The following SSTR2 variants were observed in gnomAD, a reference collection of about 807,000 sequenced individuals.
SSTR2 encodes the protein somatostatin receptor type 2.
SSTR2 carries 10 observed loss-of-function variants against 21.4 expected under a neutral mutation model. The observed-to-expected ratio is 0.47, with a 90% CI of 0.29 to 0.79. The LOEUF (loss-of-function observed/expected upper bound fraction) is 0.79. Among genes scored for constraint, SSTR2 ranks in the 30% least tolerant of loss-of-function variants. The pLI, the probability that SSTR2 is intolerant of heterozygous loss-of-function variation, is 0.10. For missense variants in SSTR2, 364 were observed against 468.8 expected (o/e 0.78, Z 2.06); for synonymous variants, 177 against 181.3 (o/e 0.98, Z 0.19).
Position 73,169,939 on chromosome 17 carries a change from G to T in SSTR2, c.620G>T (p.Gly207Val), listed in dbSNP as rs746753832. The stretch of plus-strand genomic sequence containing the variant: ...GGTGAATCTGGGGCTTGGTACACAG[G>T]GTTCATCATCTACACTTTCATTCTG... ...WPGESGAWYT[G>V]FIIYTFILGF... Residue 207 changes from glycine to valine, a missense_variant, in exon 2 of 2, where the codon GGG becomes GTG. Physicochemically the swap from Gly to Val is moderately radical, Grantham distance 109 (BLOSUM62 -3). Around this residue, in one of 4 missense-constraint regions of SSTR2, gnomAD observed 193 missense variants for 273.1 expected, o/e 0.71. Coordinates refer to ENST00000357585, the MANE Select transcript of SSTR2 (RefSeq NM_001050.3). This position sits in a 1 kb window ranked among gnomAD's most constrained non-coding sequence, Gnocchi z 5.2. 1 of 1,607,436 alleles carries T rather than the reference G, an allele frequency of 6.2e-7. No individual in the cohort carries two copies. Among genetic ancestry groups the T allele is most frequent in the Admixed American group, 1.7e-5 (1 of 59,752 alleles).
In SSTR2 at chr17:73,176,535, A is replaced by G. The variant is rs1190514129; in HGVS notation, c.*6106A>G. 1 of 152,146 alleles carries G rather than the reference A, an allele frequency of 6.6e-6. No individual in the cohort carries two copies. Among genetic ancestry groups the G allele is most frequent in the Non-Finnish European group, 1.5e-5 (1 of 68,044 alleles). The allele number at this position is 152,146 out of a possible 1,614,324, so 9.4% of individuals were successfully genotyped here. ...TCTCCTTGCTGCCATGCGAAGAAGGATGTGTTTGCTTCCCCTTCTGCCATG... is the reference window on the plus strand; with the variant it reads ...TCTCCTTGCTGCCATGCGAAGAAGGGTGTGTTTGCTTCCCCTTCTGCCATG... On this transcript the variant is annotated 3_prime_UTR_variant, in exon 2 of 2. Transcript: ENST00000357585.
Position 73,170,347 on chromosome 17 carries a change from G to C in SSTR2, c.1028G>C (p.Ser343Thr). 6.2e-7 allele frequency: 1 copy of C among 1,614,050 alleles called. No individual in the cohort carries two copies. Among genetic ancestry groups the C allele is most frequent in the South Asian group, 1.1e-5 (1 of 91,080 alleles). Residue 343 changes from serine to threonine, a missense_variant, in exon 2 of 2, where the codon AGT (serine) becomes ACT (threonine). Around this residue, in one of 4 missense-constraint regions of SSTR2, gnomAD observed 71 missense variants for 53.8 expected, o/e 1.32. Transcript: ENST00000357585. ...SGTDDGERSDSKQDKSRLNET... is the reference protein window; with the variant it reads ...SGTDDGERSDTKQDKSRLNET... ...ACAGATGATGGGGAGCGGAGTGACA[G>C]TAAGCAGGACAAATCCCGGCTGAAT...
intron 1 of SSTR2, chr17:73,168,170 A>G (rs1051208538): frequency 1.3e-5 from 2 of 152,230 alleles, no homozygotes; most frequent in Non-Finnish European, 2.9e-5. Context: ...CTCAGTTTCC[A>G]CATCTCTAAA....
In SSTR2 at chr17:73,173,564, C is replaced by G. The variant is rs1205352819; in HGVS notation, c.*3135C>G. Reference sequence around the variant, plus strand: ...ATCATTTTAATTCAAAAATTTTAGTCTCCATTCCATATTTAATGATGAAGA... The same window carrying G: ...ATCATTTTAATTCAAAAATTTTAGTGTCCATTCCATATTTAATGATGAAGA... On this transcript the variant is annotated 3_prime_UTR_variant, in exon 2 of 2. Coordinates refer to ENST00000357585, the MANE Select transcript of SSTR2 (RefSeq NM_001050.3). The G allele has an allele frequency of 1.3e-5, 2 of 152,174 alleles. No individual in the cohort carries two copies. The highest frequency in any genetic ancestry group is 2.9e-5 in the Non-Finnish European group (2 of 68,032). 9.4% of individuals were successfully genotyped at this position (152,174 alleles called of 1,614,324 possible). A position where few individuals can be genotyped will look rare whatever the true frequency, so the allele number is the denominator to read the frequency against.
chr17:73,169,272 A>G lies in SSTR2; in HGVS notation c.-48A>G. ...GCCTCCAGGGTCCATTAAGGTGAGA[A>G]TAAGATCTCTGGGCTGGCTGGAACT... is the stretch of plus-strand genomic sequence containing the variant. On this transcript the variant is annotated 5_prime_UTR_variant, in exon 2 of 2. Coordinates refer to ENST00000357585, the MANE Select transcript of SSTR2 (RefSeq NM_001050.3). The surrounding 1 kb of genome is among the most constrained non-coding windows in gnomAD (Gnocchi z 5.2). The G allele has an allele frequency of 6.4e-7, 1 of 1,572,068 alleles. No homozygotes were observed.
Position 73,169,870 on chromosome 17 carries a change from G to T in SSTR2, c.551G>T (p.Arg184Leu). The T allele has an allele frequency of 1.2e-6, 2 of 1,612,758 alleles. No homozygotes were observed. The highest frequency in any genetic ancestry group is 1.7e-6 in the Non-Finnish European group (2 of 1,178,884). Residue 184 changes from arginine (R) to leucine (L), a missense_variant, in exon 2 of 2, where the codon CGG becomes CTG. Transcript: ENST00000357585. The surrounding 1 kb of genome is among the most constrained non-coding windows in gnomAD (Gnocchi z 5.2). ...ILPIMIYAGL[R>L]SNQWGRSSCT... ...CCCATCATGATATATGCTGGGCTCC[G>T]GAGCAACCAGTGGGGGAGAAGCAGC...
rs2061225856 is a variant in SSTR2, at chr17:73,169,282, T to C, written c.-38T>C. 6.3e-7 allele frequency: 1 copy of C among 1,587,082 alleles called. No individual in the cohort carries two copies. Among genetic ancestry groups the C allele is most frequent in the Non-Finnish European group, 8.6e-7 (1 of 1,166,256 alleles). On this transcript the variant is annotated 5_prime_UTR_variant, in exon 2 of 2. Coordinates refer to ENST00000357585, the MANE Select transcript of SSTR2 (RefSeq NM_001050.3). This position sits in a 1 kb window ranked among gnomAD's most constrained non-coding sequence, Gnocchi z 5.2. Reference sequence around the variant, plus strand: ...TCCATTAAGGTGAGAATAAGATCTCTGGGCTGGCTGGAACTAGCCTAAGAC... The same window carrying C: ...TCCATTAAGGTGAGAATAAGATCTCCGGGCTGGCTGGAACTAGCCTAAGAC...
chr17:73,170,268 GACA>G lies in SSTR2; in HGVS notation c.952_954del (p.Asn318del). 1 of 1,613,986 alleles carries G rather than the reference GACA, an allele frequency of 6.2e-7. No individual in the cohort carries two copies. The highest frequency in any genetic ancestry group is 8.5e-7 in the Non-Finnish European group (1 of 1,180,022). On this transcript the variant is annotated inframe_deletion, in exon 2 of 2. Transcript: ENST00000357585. ...CCCTATCCTATATGCCTTCTTGTCT[GACA>G]ACTTCAAGAAGAGCTTCCAGAATGT...
rs759485889 is a variant in SSTR2 at position 73,170,098 on chromosome 17, T to C, written c.779T>C (p.Ile260Thr). Reference sequence around the variant, plus strand: ...AAGAAGGTCACCCGAATGGTGTCCATCGTGGTGGCTGTCTTCATCTTCTGC... The same window carrying C: ...AAGAAGGTCACCCGAATGGTGTCCACCGTGGTGGCTGTCTTCATCTTCTGC... Reference protein sequence around the residue: ...SEKKVTRMVSIVVAVFIFCWL... With the variant: ...SEKKVTRMVSTVVAVFIFCWL... Residue 260 changes from isoleucine to threonine, a missense_variant, in exon 2 of 2, where the codon ATC (isoleucine) becomes ACC (threonine). By Grantham distance (89) the Ile-to-Thr change is moderately conservative. Around this residue, in one of 4 missense-constraint regions of SSTR2, gnomAD observed 193 missense variants for 273.1 expected, o/e 0.71. Transcript: ENST00000357585. The C allele has an allele frequency of 1.2e-6, 2 of 1,614,168 alleles. No homozygotes were observed. Among genetic ancestry groups the C allele is most frequent in the South Asian group, 2.2e-5 (2 of 91,074 alleles).
chr17:73,175,480 A>G lies in SSTR2; in HGVS notation c.*5051A>G, dbSNP rs1173364192. On this transcript the variant is annotated 3_prime_UTR_variant, in exon 2 of 2. Transcript: ENST00000357585. Reference sequence around the variant, plus strand: ...CAGCTAATTTTTGTATTTTTAGTGGAGATGGGTTTTTGCCATGTTGGCCAG... The same window carrying G: ...CAGCTAATTTTTGTATTTTTAGTGGGGATGGGTTTTTGCCATGTTGGCCAG... The G allele has an allele frequency of 6.6e-6, 1 of 151,980 alleles. No individual in the cohort carries two copies. Among genetic ancestry groups the G allele is most frequent in the African/African-American group, 2.4e-5 (1 of 41,334 alleles). The allele number at this position is 151,980 out of a possible 1,614,324, so 9.4% of individuals were successfully genotyped here. A position where few individuals can be genotyped will look rare whatever the true frequency, so the allele number is the denominator to read the frequency against.
chr17:73,165,039 C>A lies in SSTR2; in HGVS notation c.-342C>A, dbSNP rs2061210851. 1 of 152,198 alleles carries A rather than the reference C, an allele frequency of 6.6e-6. No homozygotes were observed. The highest frequency in any genetic ancestry group is 2.4e-5 in the African/African-American group (1 of 41,452). The allele number at this position is 152,198 out of a possible 1,614,324, so 9.4% of individuals were successfully genotyped here. A position where few individuals can be genotyped will look rare whatever the true frequency, so the allele number is the denominator to read the frequency against. On this transcript the variant is annotated 5_prime_UTR_variant, in exon 1 of 2. Transcript: ENST00000357585. ...CCAGCGGCGCAGCCACCCATGCGCG[C>A]GCGCTCGCAAGACCACCAGCGCCCA... is the stretch of plus-strand genomic sequence containing the variant.
rs2061244910 is a variant in SSTR2, at chr17:73,174,809, C to A, written c.*4380C>A. 1 of 153,406 alleles carries A rather than the reference C, an allele frequency of 6.5e-6. No individual in the cohort carries two copies. The highest frequency in any genetic ancestry group is 2.1e-4 in the South Asian group (1 of 4,834). The allele number at this position is 153,406 out of a possible 1,614,324, so 9.5% of individuals were successfully genotyped here. On this transcript the variant is annotated 3_prime_UTR_variant, in exon 2 of 2. Coordinates refer to ENST00000357585, the MANE Select transcript of SSTR2 (RefSeq NM_001050.3). ...TAAAAACAAATTAGTGTTTTATAGACCCTGGGGAAAAGAATTTTCAGCAAA... is the reference window on the plus strand; with the variant it reads ...TAAAAACAAATTAGTGTTTTATAGAACCTGGGGAAAAGAATTTTCAGCAAA...
chr17:73,175,107 T>C lies in SSTR2; in HGVS notation c.*4678T>C, dbSNP rs181186230. 6.6e-6 allele frequency: 1 copy of C among 152,218 alleles called. No individual in the cohort carries two copies. The highest frequency in any genetic ancestry group is 1.5e-5 in the Non-Finnish European group (1 of 68,036). 9.4% of individuals were successfully genotyped at this position (152,218 alleles called of 1,614,324 possible). A position where few individuals can be genotyped will look rare whatever the true frequency, so the allele number is the denominator to read the frequency against. On this transcript the variant is annotated 3_prime_UTR_variant, in exon 2 of 2. Transcript: ENST00000357585. ...ATGCTTATCATTCTAAGAATCCCAA[T>C]AGCTGGCAAGCCAAGCAGTGGAACT...
In SSTR2 at chr17:73,171,364, T is replaced by G. The variant is rs2145070965; in HGVS notation, c.*935T>G. On this transcript the variant is annotated 3_prime_UTR_variant, in exon 2 of 2. Transcript: ENST00000357585. ...TCTTTTCAAATTGCTTTAGTTTTTC[T>G]TAGGGAGCTATGAGGGGGAAAAATC... is the stretch of plus-strand genomic sequence containing the variant. 1 of 166,342 alleles carries G rather than the reference T, an allele frequency of 6.0e-6. No individual in the cohort carries two copies. Among genetic ancestry groups the G allele is most frequent in the Non-Finnish European group, 1.5e-5 (1 of 68,120 alleles). 10.3% of individuals were successfully genotyped at this position (166,342 alleles called of 1,614,324 possible). A position where few individuals can be genotyped will look rare whatever the true frequency, so the allele number is the denominator to read the frequency against.
Position 73,172,769 on chromosome 17 carries a change from G to C in SSTR2, c.*2340G>C, listed in dbSNP as rs989812970. 5.3e-5 allele frequency: 8 copies of C among 152,018 alleles called. No homozygotes were observed. The South Asian group carries it at 6.2e-4, about 12-fold the overall frequency. 9.4% of individuals were successfully genotyped at this position (152,018 alleles called of 1,614,324 possible). The stretch of plus-strand genomic sequence containing the variant: ...TTTTTTTTAAACAAAAACAAGCAAA[G>C]ATTTGGAAGAAAATGCTTTAGACCT... On this transcript the variant is annotated 3_prime_UTR_variant, in exon 2 of 2. Transcript: ENST00000357585.
Position 73,169,993 on chromosome 17 carries a change from G to A in SSTR2, c.674G>A (p.Cys225Tyr). Residue 225 changes from cysteine (C) to tyrosine (Y), a missense_variant, in exon 2 of 2, where the codon TGT becomes TAT. By Grantham distance (194) the Cys-to-Tyr change is radical. Transcript: ENST00000357585. This position sits in a 1 kb window ranked among gnomAD's most constrained non-coding sequence, Gnocchi z 5.2. ...TTCCTGGTACCCCTCACCATCATCT[G>A]TCTTTGCTACCTGTTCATTATCATC... ...LGFLVPLTIICLCYLFIIIKV... is the reference protein window; with the variant it reads ...LGFLVPLTIIYLCYLFIIIKV... 6.2e-7 allele frequency: 1 copy of A among 1,611,490 alleles called. No individual in the cohort carries two copies. The highest frequency in any genetic ancestry group is 2.2e-5 in the East Asian group (1 of 44,822).
intron 1 of SSTR2, among the ~76,000 whole-genome samples, chr17:73,166,645 G>A (rs1012194542): frequency 6.6e-6 from 1 of 152,090 alleles, no homozygotes. Context: ...CCTGGCATTG[G>A]AATATTCTTT....
rs976117813 is a variant in SSTR2, at chr17:73,170,294, T to A, written c.975T>A (p.Asn325Lys). 6 of 1,614,000 alleles carry A rather than the reference T, an allele frequency of 3.7e-6. No homozygotes were observed. The highest frequency in any genetic ancestry group is 5.1e-6 in the Non-Finnish European group (6 of 1,180,016). ...LSDNFKKSFQ[N>K]VLCLVKVSGT... ...ACAACTTCAAGAAGAGCTTCCAGAA[T>A]GTCCTCTGCTTGGTCAAGGTGAGCG... Residue 325 changes from asparagine to lysine, a missense_variant, in exon 2 of 2, where the codon AAT (asparagine) becomes AAA (lysine). Physicochemically the swap from Asn to Lys is moderately conservative, Grantham distance 94. Coordinates refer to ENST00000357585, the MANE Select transcript of SSTR2 (RefSeq NM_001050.3).
Position 73,173,683 on chromosome 17 carries a change from C to T in SSTR2, c.*3254C>T, listed in dbSNP as rs1231158049. ...TTGGGTTATGCAAGCTGCTACTTACCCGCCATTAGCATGGGTAGTTAAGTG... is the reference window on the plus strand; with the variant it reads ...TTGGGTTATGCAAGCTGCTACTTACTCGCCATTAGCATGGGTAGTTAAGTG... On this transcript the variant is annotated 3_prime_UTR_variant, in exon 2 of 2. Transcript: ENST00000357585. The T allele has an allele frequency of 6.6e-6, 1 of 152,134 alleles. No homozygotes were observed. Among genetic ancestry groups the T allele is most frequent in the Non-Finnish European group, 1.5e-5 (1 of 68,022 alleles). 9.4% of individuals were successfully genotyped at this position (152,134 alleles called of 1,614,324 possible). A position where few individuals can be genotyped will look rare whatever the true frequency, so the allele number is the denominator to read the frequency against.
Sources: gnomAD v4.1 joint callset for allele counts (sites outside exome capture counted in the v4.1 genomes callset) on GRCh38, gnomAD v4.1.1 for gene constraint, gnomAD v4.1.1 regional missense constraint, Gnocchi (gnomAD v3.1) non-coding constraint, MANE v1.5 for transcripts, NCBI Gene and HGNC (gene_info 2026-07-23, HGNC 2026-07-21) for gene names.